The following WDR59 variants were observed in gnomAD, a reference collection of about 807,000 sequenced individuals.
WDR59 encodes the protein GATOR2 complex protein WDR59.
Under a neutral mutation model 131.2 loss-of-function variants are expected in WDR59, and 100 were observed. The ratio of observed to expected loss-of-function variants is 0.76; its 90% CI spans 0.65 to 0.90. The LOEUF is 0.90. WDR59 is among the 40% of genes least tolerant of loss of function. The pLI is 0.00. For synonymous variants in WDR59, 601 were observed against 466.2 expected, an observed-to-expected ratio of 1.29 and a Z score of -3.72; for missense variants, 1,203 against 1,262.2, an observed-to-expected ratio of 0.95 and a Z score of 0.71.
At position 74,942,841 on chromosome 16, in the gene WDR59, C is replaced by G; in HGVS notation, c.446-15G>C. 6.2e-7 allele frequency: 1 copy of G among 1,612,808 alleles called. No homozygotes were observed. The highest frequency in any genetic ancestry group is 8.5e-7 in the Non-Finnish European group (1 of 1,179,250). On this transcript the variant is annotated splice_polypyrimidine_tract_variant and intron_variant, in intron 6 of 25. Transcript: ENST00000262144. ...GGAGGCACCCGCTGCAAAGAAAAATCAGGGAAGAAAGCTGCTGCCCTTGGT... is the reference window on the plus strand; with the variant it reads ...GGAGGCACCCGCTGCAAAGAAAAATGAGGGAAGAAAGCTGCTGCCCTTGGT...
At chr16:74,950,854 T>C (rs548498508) in intron 4 of WDR59, among the ~76,000 whole-genome samples, 1 of 151,932 alleles carries the variant, frequency 6.6e-6, no homozygotes, top group Non-Finnish European at 1.5e-5. Flanking sequence ...ACTCCTCTCC[T>C]ATGTTGAAAA....
chr16:74,894,064 C>A, intron 18 of WDR59: 1 of 388,570 alleles, frequency 2.6e-6, no homozygotes, highest in Non-Finnish European at 4.6e-6. Flanking sequence ...TATCAGGAAG[C>A]CAGGATTAAT....
chr16:74,892,120 C>G (rs1322277803), intron 20 of WDR59, among the ~76,000 whole-genome samples: 2 of 152,088 alleles, frequency 1.3e-5, no homozygotes, highest in Non-Finnish European at 2.9e-5. Flanking sequence ...CTGAACATCT[C>G]TATCTAAAGG....
At chr16:74,876,411 A>C (rs901308273) in intron 25 of WDR59, among the ~76,000 whole-genome samples, 1 of 152,194 alleles carries the variant, frequency 6.6e-6, no homozygotes, top group Non-Finnish European at 1.5e-5. Flanking sequence ...GAGAATGTAA[A>C]TATTGTGTGT....
At position 74,873,700 on chromosome 16, in the gene WDR59, TTAAG is replaced by T. The variant is rs1256728875; in HGVS notation, c.*505_*508del. On this transcript the variant is annotated 3_prime_UTR_variant, in exon 26 of 26. Coordinates refer to ENST00000262144, the MANE Select transcript of WDR59 (RefSeq NM_030581.4). ...CTTAAGTACAGTGCATATTTACAAT[TTAAG>T]TGTCATATTTTAGAAGGCCACTGTC... The T allele has an allele frequency of 6.5e-6, 1 of 153,510 alleles. No homozygotes were observed. The highest frequency in any genetic ancestry group is 1.4e-5 in the Non-Finnish European group (1 of 68,998). 9.5% of individuals were successfully genotyped at this position (153,510 alleles called of 1,614,324 possible). A position where few individuals can be genotyped will look rare whatever the true frequency, so the allele number is the denominator to read the frequency against.
chr16:74,917,790 T>C, intron 11 of WDR59, 139 bp downstream of exon 11: 1 of 686,510 alleles, frequency 1.5e-6, no homozygotes, highest in Non-Finnish European at 2.3e-6. Context: ...GCCTGGGCGA[T>C]TCAGTGAGAC....
intron 8 of WDR59, among the ~76,000 whole-genome samples, chr16:74,925,785 T>C (rs2030728691): frequency 1.3e-5 from 2 of 151,726 alleles, no homozygotes; most frequent in Non-Finnish European, 1.5e-5. Context: ...TCTCAGTGCT[T>C]TGGGAGGCTA....
intron 1 of WDR59, among the ~76,000 whole-genome samples, chr16:74,983,560 T>G (rs987712414): frequency 1.3e-5 from 2 of 152,008 alleles, no homozygotes; most frequent in African/African-American, 2.4e-5. Flanking sequence ...ATATGACCGG[T>G]TCAGAGCTAC....
At chr16:74,962,065 G>T (rs1201727413) in intron 2 of WDR59, among the ~76,000 whole-genome samples, 3 of 152,096 alleles carry the variant, frequency 2.0e-5, no homozygotes, top group African/African-American at 7.2e-5. Flanking sequence ...CCCATTGATT[G>T]TTTTTGTCAA....
rs1965826177 is a variant in WDR59, at chr16:74,906,434, C to G, written c.1713-2334G>C. On this transcript the variant is annotated intron_variant, in intron 17 of 25. Coordinates refer to ENST00000262144, the MANE Select transcript of WDR59 (RefSeq NM_030581.4). The stretch of plus-strand genomic sequence containing the variant: ...GAGCAACCAGTGCTCTGAAACATTG[C>G]TAGTGACAGGGTAAATGGCACAACC... Among the ~76,000 whole-genome samples the G allele has an allele frequency of 3.3e-5, 5 of 151,994 alleles. No homozygotes were observed. The South Asian group carries it at 1.0e-3, about 32-fold the overall frequency.
intron 1 of WDR59, among the ~76,000 whole-genome samples, chr16:74,981,620 A>G (rs2034408460): frequency 1.1e-3 from 1 of 884 alleles, no homozygotes; most frequent in Non-Finnish European, 4.7e-3. Context: ...TTACATATAT[A>G]TATATATATA....
intron 1 of WDR59, among the ~76,000 whole-genome samples, chr16:74,976,287 T>A (rs888563470): frequency 4.6e-5 from 7 of 152,132 alleles, no homozygotes; most frequent in African/African-American, 1.4e-4. Flanking sequence ...GGCAAAGCTG[T>A]TGCAATGCTG....
At chr16:74,951,212 C>T (rs1476327795) in intron 4 of WDR59, among the ~76,000 whole-genome samples, 1 of 149,740 alleles carries the variant, frequency 6.7e-6, no homozygotes, top group Non-Finnish European at 1.5e-5. Context: ...CTGGACTGGA[C>T]TATATCCATC....
intron 1 of WDR59, among the ~76,000 whole-genome samples, chr16:74,977,303 A>G (rs1244362539): frequency 1.3e-5 from 2 of 152,130 alleles, no homozygotes; most frequent in African/African-American, 4.8e-5. Context: ...ATGAAAAGGC[A>G]AGCTACAACT....
chr16:74,893,630 TA>T (rs2144834703), intron 19 of WDR59, 48 bp downstream of exon 19: 1 of 1,534,432 alleles, frequency 6.5e-7, no homozygotes, highest in African/African-American at 1.4e-5. Flanking sequence ...AAAGTTTTGC[TA>T]ATCCTGGCTA....
At chr16:74,905,685 AAAT>A (rs1442650546) in intron 17 of WDR59, among the ~76,000 whole-genome samples, 2 of 151,628 alleles carry the variant, frequency 1.3e-5, no homozygotes, top group South Asian at 2.1e-4. Context: ...CTGACTCAAA[AAAT>A]AATAATAATA....
rs1320086092 is a variant in WDR59 at position 74,886,335 on chromosome 16, G to A, written c.2481C>T (p.Arg827=). 1.2e-6 allele frequency: 2 copies of A among 1,614,054 alleles called. No individual in the cohort carries two copies. Among genetic ancestry groups the A allele is most frequent in the Non-Finnish European group, 1.7e-6 (2 of 1,180,026 alleles). Residue 827 remains arginine (R), a synonymous_variant, in exon 24 of 26, where the codon CGC becomes CGT. Transcript: ENST00000262144. ...PWGESSPEEL[R]FGSLTYSDPR... is the part of the protein sequence containing the mutation. ...GATCACTGTAGGTCAGACTCCCAAA[G>A]CGGAGCTCTTCTGGTGAGGATTCTC...
At chr16:74,896,052 T>C (rs370602841) in intron 18 of WDR59, among the ~76,000 whole-genome samples, 7 of 151,602 alleles carry the variant, frequency 4.6e-5, no homozygotes, top group African/African-American at 1.7e-4. Context: ...AGGCCCCACA[T>C]AACTGGTCAT....
At chr16:74,973,861 C>T (rs905507164) in intron 1 of WDR59, among the ~76,000 whole-genome samples, 19 of 151,916 alleles carry the variant, frequency 1.3e-4, no homozygotes, top group Non-Finnish European at 2.4e-4. Flanking sequence ...CATGGTGATA[C>T]CCTGTCTCTA....
Sources: allele counts gnomAD v4.1 joint callset (sites outside exome capture counted in the v4.1 genomes callset), GRCh38; gene constraint gnomAD v4.1.1; transcripts MANE v1.5; gene names NCBI Gene and HGNC (gene_info 2026-07-23, HGNC 2026-07-21).